PIK3CB: variants seen among roughly 807,000 people sequenced by gnomAD.
The protein encoded by PIK3CB is phosphatidylinositol 4,5-bisphosphate 3-kinase catalytic subunit beta isoform.
In PIK3CB, 39 loss-of-function variants were observed where a neutral mutation model predicts 136.8. The observed-to-expected ratio is 0.29, with a 90% CI of 0.22 to 0.37. PIK3CB has a LOEUF of 0.37. PIK3CB is among the 10% of genes least tolerant of loss of function. The pLI is 1.00. For synonymous variants in PIK3CB, 428 were observed against 436.6 expected, an observed-to-expected ratio of 0.98 and a Z score of 0.25; for missense variants, 868 against 1,275.4, an observed-to-expected ratio of 0.68 and a Z score of 4.87.
intron 19 of PIK3CB, among the ~76,000 whole-genome samples, chr3:138,676,322 T>C (rs1441371835): frequency 1.3e-5 from 2 of 152,098 alleles, no homozygotes; most frequent in African/African-American, 4.8e-5. Context: ...CAATAACAAG[T>C]GTTGGTGAGA....
intron 4 of PIK3CB, among the ~76,000 whole-genome samples, chr3:138,754,428 C>T (rs1171214134): frequency 2.6e-5 from 4 of 151,906 alleles, no homozygotes; most frequent in East Asian, 1.9e-4. Flanking sequence ...GGCAACAGGG[C>T]GAGACCTTGT....
rs557364983 is a variant in PIK3CB, at chr3:138,654,426, G to C, written c.*963C>G. ...CAAGTTTTAATAAATACAGTAAGAAGAGCTGGCATTTTTCTAAAATACTGA... is the reference window on the plus strand; with the variant it reads ...CAAGTTTTAATAAATACAGTAAGAACAGCTGGCATTTTTCTAAAATACTGA... On this transcript the variant is annotated 3_prime_UTR_variant, in exon 24 of 24. Transcript: ENST00000674063. 1.5e-4 allele frequency: 35 copies of C among 226,478 alleles called. No individual in the cohort carries two copies. Among genetic ancestry groups the C allele is most frequent in the African/African-American group, 7.5e-4 (34 of 45,074 alleles). The allele number at this position is 226,478 out of a possible 1,614,324, so 14.0% of individuals were successfully genotyped here. A position where few individuals can be genotyped will look rare whatever the true frequency, so the allele number is the denominator to read the frequency against.
chr3:138,708,837 C>T (rs184324500), intron 10 of PIK3CB, among the ~76,000 whole-genome samples: 12 of 152,224 alleles, frequency 7.9e-5, no homozygotes, highest in African/African-American at 2.6e-4. Context: ...TACTTTTGTC[C>T]TATCAAATGC....
intron 1 of PIK3CB, among the ~76,000 whole-genome samples, chr3:138,832,139 T>C (rs1253703931): frequency 6.6e-6 from 1 of 152,202 alleles, no homozygotes; most frequent in East Asian, 1.9e-4. Context: ...GTGTTCATTT[T>C]TCACTTTTTT....
intron 8 of PIK3CB, 64 bp from the exon 9 acceptor site, chr3:138,714,783 T>G (rs1553727363): frequency 7.3e-7 from 1 of 1,370,122 alleles, no homozygotes; most frequent in Non-Finnish European, 9.9e-7. Flanking sequence ...AAACATCTCT[T>G]TTTGTTTGTT....
At chr3:138,749,652 C>T (rs1046585267) in intron 4 of PIK3CB, among the ~76,000 whole-genome samples, 70 of 152,252 alleles carry the variant, frequency 4.6e-4, no homozygotes, top group African/African-American at 1.6e-3. Flanking sequence ...CTTGAATAGG[C>T]CATTCTTCAC....
At chr3:138,811,366 G>C (rs1933044990) in intron 1 of PIK3CB, among the ~76,000 whole-genome samples, 2 of 150,872 alleles carry the variant, frequency 1.3e-5, no homozygotes, top group African/African-American at 4.9e-5. Flanking sequence ...CTATATATTA[G>C]GTAACAATAC....
intron 1 of PIK3CB, among the ~76,000 whole-genome samples, chr3:138,812,412 T>G (rs1933114376): frequency 6.6e-6 from 1 of 151,044 alleles, no homozygotes; most frequent in Non-Finnish European, 1.5e-5. Flanking sequence ...AATTTTTGTA[T>G]TTTTAGTAGA....
intron 1 of PIK3CB, among the ~76,000 whole-genome samples, chr3:138,802,554 A>T (rs1028117796): frequency 3.3e-5 from 5 of 152,016 alleles, no homozygotes; most frequent in African/African-American, 9.7e-5. Flanking sequence ...GAGGGGAAAA[A>T]AAAAAAGAGA....
chr3:138,657,496 A>G lies in PIK3CB; in HGVS notation c.2942+194T>C. 1.3e-5 allele frequency: 7 copies of G among 539,242 alleles called. No individual in the cohort carries two copies. In the South Asian group the frequency reaches 1.9e-4, roughly 14 times the overall value. 33.4% of individuals were successfully genotyped at this position (539,242 alleles called of 1,614,324 possible). On this transcript the variant is annotated intron_variant, in intron 22 of 23. Coordinates refer to ENST00000674063, the MANE Select transcript of PIK3CB (RefSeq NM_006219.3). ...AATATAATAATTATTTTAAATTTCT[A>G]GCATTCTGTTTCTCCTATCTGGGAA... is the stretch of plus-strand genomic sequence containing the variant.
chr3:138,758,759 A>T (rs942041774), intron 3 of PIK3CB, among the ~76,000 whole-genome samples: 1 of 152,228 alleles, frequency 6.6e-6, no homozygotes, highest in African/African-American at 2.4e-5. Context: ...TTTACAAATC[A>T]ACGGTGCTCA....
At chr3:138,820,249 C>T (rs1933501707) in intron 1 of PIK3CB, among the ~76,000 whole-genome samples, 1 of 152,144 alleles carries the variant, frequency 6.6e-6, no homozygotes, top group Non-Finnish European at 1.5e-5. Context: ...CTGAAACAGC[C>T]CCTAAACATC....
chr3:138,755,968 C>T lies in PIK3CB; in HGVS notation c.183G>A (p.Lys61=). 6.3e-7 allele frequency: 1 copy of T among 1,585,798 alleles called. No individual in the cohort carries two copies. The highest frequency in any genetic ancestry group is 8.6e-7 in the Non-Finnish European group (1 of 1,157,934). ...TISYIKQMLW[K]QVHNYPMFNL... is the part of the protein sequence containing the mutation. Reference sequence around the variant, plus strand: ...TGAACATTGGGTAATTGTGAACTTGCTTCCATAACATCTATGAGAAAAAAT... The same window carrying T: ...TGAACATTGGGTAATTGTGAACTTGTTTCCATAACATCTATGAGAAAAAAT... The change falls in exon 4 of 24, where the codon AAG becomes AAA. Residue 61 remains lysine (K), a synonymous_variant. Transcript: ENST00000674063.
intron 1 of PIK3CB, among the ~76,000 whole-genome samples, chr3:138,820,872 G>A (rs1933530442): frequency 6.6e-6 from 1 of 152,036 alleles, no homozygotes; most frequent in Admixed American, 6.6e-5. Flanking sequence ...AATTCCCCTA[G>A]TGAAAAACAT....
chr3:138,721,171 T>A (rs913131824), intron 8 of PIK3CB, among the ~76,000 whole-genome samples: 8 of 152,172 alleles, frequency 5.3e-5, no homozygotes, highest in Non-Finnish European at 1.2e-4. Context: ...CCTTAAGTTT[T>A]TTTTTTTTGA....
intron 1 of PIK3CB, among the ~76,000 whole-genome samples, chr3:138,807,858 G>A (rs180768120): frequency 5.3e-5 from 8 of 150,838 alleles, no homozygotes; most frequent in Admixed American, 4.0e-4. Flanking sequence ...TCATGTCATC[G>A]CACTCCAGCC....
rs1266528244 is a variant in PIK3CB, at chr3:138,684,766, A to G, written c.2174T>C (p.Leu725Ser). 1.9e-6 allele frequency: 3 copies of G among 1,613,744 alleles called. No homozygotes were observed. Among genetic ancestry groups the G allele is most frequent in the Admixed American group, 3.3e-5 (2 of 59,932 alleles). Reference sequence around the variant, plus strand: ...TAACTTCACGGCATTCAGTTTGATTAAACTATTTAAAGTTTTTAACTTATT... The same window carrying G: ...TAACTTCACGGCATTCAGTTTGATTGAACTATTTAAAGTTTTTAACTTATT... ...ALNKLKTLNS[L>S]IKLNAVKLNR... Residue 725 changes from leucine to serine, a missense_variant, in exon 17 of 24, where the codon TTA becomes TCA. Physicochemically the swap from Leu to Ser is moderately radical, Grantham distance 145. This residue lies in a region of PIK3CB where 165 missense variants were observed against 295.4 expected (regional missense o/e 0.56). Coordinates refer to ENST00000674063, the MANE Select transcript of PIK3CB (RefSeq NM_006219.3).
At chr3:138,792,415 C>G (rs907234107) in intron 2 of PIK3CB, among the ~76,000 whole-genome samples, 3 of 152,058 alleles carry the variant, frequency 2.0e-5, no homozygotes, top group Admixed American at 1.3e-4. Context: ...CGCTCTGTTG[C>G]CCGGCTGAAG....
Position 138,655,030 on chromosome 3 carries a change from T to C in PIK3CB, c.*359A>G, listed in dbSNP as rs1489997407. 1 of 242,364 alleles carries C rather than the reference T, an allele frequency of 4.1e-6. No individual in the cohort carries two copies. The highest frequency in any genetic ancestry group is 8.0e-6 in the Non-Finnish European group (1 of 124,480). The allele number at this position is 242,364 out of a possible 1,614,324, so 15.0% of individuals were successfully genotyped here. On this transcript the variant is annotated 3_prime_UTR_variant, in exon 24 of 24. Transcript: ENST00000674063. ...GGAAAAGTTGTTGGCTGAGTGACAA[T>C]ACTTGGTCACAACATTGAAAAGAAG... is the stretch of plus-strand genomic sequence containing the variant.
Sources: allele counts gnomAD v4.1 joint callset (sites outside exome capture counted in the v4.1 genomes callset), GRCh38; gene constraint gnomAD v4.1.1; regional missense constraint gnomAD v4.1.1; transcripts MANE v1.5; gene names NCBI Gene and HGNC (gene_info 2026-07-23, HGNC 2026-07-21).